SLC26A9: variants seen among roughly 807,000 people sequenced by gnomAD.
SLC26A9 encodes the protein solute carrier family 26 member 9.
SLC26A9 carries 46 observed loss-of-function variants against 87.1 expected under a neutral mutation model. The ratio of observed to expected loss-of-function variants is 0.53; its 90% CI spans 0.42 to 0.67. The LOEUF (loss-of-function observed/expected upper bound fraction) is 0.67. Ranked by LOEUF, SLC26A9 falls within the 30% of genes least tolerant of loss-of-function variation. The probability of loss-of-function intolerance (pLI) is 0.00; values close to 1 mark genes in which losing one functional copy is unlikely to be tolerated. For synonymous variants in SLC26A9, 437 were observed against 409.1 expected (o/e 1.07, Z -0.82); for missense variants, 927 against 1,018.3 (o/e 0.91, Z 1.22).
intron 2 of SLC26A9, 178 bp downstream of exon 2, chr1:205,935,518 C>T: frequency 2.1e-6 from 2 of 941,768 alleles, no homozygotes; most frequent in Non-Finnish European, 3.1e-6. Context: ...CCCATCCTCC[C>T]TGGGGGTCTC....
intron 17 of SLC26A9, 21 bp from the exon 18 acceptor site, chr1:205,920,251 G>C (rs780849728): frequency 6.2e-7 from 1 of 1,613,852 alleles, no homozygotes; most frequent in Non-Finnish European, 8.5e-7. Context: ...TGTTGGGGTA[G>C]GGAGGCAAAA....
intron 12 of SLC26A9, among the ~76,000 whole-genome samples, chr1:205,926,231 C>T (rs1659061660): frequency 6.6e-6 from 1 of 152,068 alleles, no homozygotes; most frequent in Non-Finnish European, 1.5e-5. Flanking sequence ...CTTGTATTAC[C>T]TTGCTTCTTC....
In SLC26A9 at chr1:205,915,381, G is replaced by A. The variant is rs149042595; in HGVS notation, c.2352C>T (p.His784=). ...LEQEMFGSMF[H]AETLTAL is the part of the protein sequence containing the mutation. ...CTCACAGGGCGGTCAGGGTCTCTGC[G>A]TGAAACATGCTCCCGAACATCTCCT... is the stretch of plus-strand genomic sequence containing the variant. The change falls in exon 21 of 21, where the codon CAC becomes CAT. Residue 784 remains histidine, a synonymous_variant. Coordinates refer to ENST00000367135, the MANE Select transcript of SLC26A9 (RefSeq NM_052934.4). 4.7e-5 allele frequency: 76 copies of A among 1,614,128 alleles called. No homozygotes were observed. The African/African-American group carries it at 5.2e-4, about 11-fold the overall frequency.
chr1:205,934,955 T>C lies in SLC26A9; in HGVS notation c.125+741A>G, dbSNP rs150319522. 8.3e-4 allele frequency among the ~76,000 whole-genome samples: 126 copies of C among 152,296 alleles called. No homozygotes were observed. The East Asian group carries it at 0.016, about 19-fold the overall frequency. On this transcript the variant is annotated intron_variant, in intron 2 of 20. Transcript: ENST00000367135. ...CCATTGCCAGTGACCTCAATCCAGG[T>C]AACTGAATCAGCCGTTTCCCCAAGG...
intron 1 of SLC26A9, among the ~76,000 whole-genome samples, chr1:205,943,097 C>T (rs1321825850): frequency 6.6e-6 from 1 of 152,188 alleles, no homozygotes; most frequent in African/African-American, 2.4e-5. Context: ...CGGGGTCTGG[C>T]GACCACCACA....
Position 205,920,363 on chromosome 1 carries a change from C to A in SLC26A9, c.2056-133G>T, listed in dbSNP as rs74146718. 9.4e-6 allele frequency: 9 copies of A among 953,734 alleles called. No homozygotes were observed. The African/African-American group carries it at 1.5e-4, about 16-fold the overall frequency. The allele number at this position is 953,734 out of a possible 1,614,324, so 59.1% of individuals were successfully genotyped here. A position where few individuals can be genotyped will look rare whatever the true frequency, so the allele number is the denominator to read the frequency against. ...ACCCTGAGAGCCCAGCAGCCAAAGACAAAAATAGCAGCAAAGCACACCACT... is the reference window on the plus strand; with the variant it reads ...ACCCTGAGAGCCCAGCAGCCAAAGAAAAAAATAGCAGCAAAGCACACCACT... On this transcript the variant is annotated intron_variant, in intron 17 of 20. Transcript: ENST00000367135.
chr1:205,943,063 G>A (rs574438122), intron 1 of SLC26A9, among the ~76,000 whole-genome samples: 3 of 152,156 alleles, frequency 2.0e-5, no homozygotes, highest in African/African-American at 4.8e-5. Context: ...CCTTTCCCTC[G>A]GAGGCCTTTG....
chr1:205,937,714 C>T (rs531315144), intron 1 of SLC26A9, among the ~76,000 whole-genome samples: 1 of 152,128 alleles, frequency 6.6e-6, no homozygotes, highest in Non-Finnish European at 1.5e-5. Flanking sequence ...TCTCACTCTT[C>T]CTCTCCACCT....
intron 1 of SLC26A9, among the ~76,000 whole-genome samples, chr1:205,940,470 C>G (rs963709187): frequency 6.6e-6 from 1 of 152,140 alleles, no homozygotes; most frequent in Admixed American, 6.5e-5. Context: ...CTGAAAGGCT[C>G]GGAACGGCAC....
chr1:205,930,122 C>G, intron 5 of SLC26A9, 66 bp from the exon 6 acceptor site: 1 of 1,506,914 alleles, frequency 6.6e-7, no homozygotes. Context: ...CAACGACCCG[C>G]CCCACACACA....
In SLC26A9 at chr1:205,938,981, T is replaced by G. The variant is rs868303620; in HGVS notation, c.-18-3143A>C. ...AGATGGAGCACCAGATACTAGGGAG[T>G]CCCCTCTGACACAGGCTAACAGAGG... On this transcript the variant is annotated intron_variant, in intron 1 of 20. Coordinates refer to ENST00000367135, the MANE Select transcript of SLC26A9 (RefSeq NM_052934.4). Among the ~76,000 whole-genome samples, 4 of 151,932 alleles carry G rather than the reference T, an allele frequency of 2.6e-5. No homozygotes were observed. The South Asian group carries it at 8.4e-4, about 32-fold the overall frequency.
At chr1:205,928,138 G>A (rs1263181135) in intron 8 of SLC26A9, 89 bp from the exon 9 acceptor site, 2 of 1,476,954 alleles carry the variant, frequency 1.4e-6, no homozygotes, top group Admixed American at 2.0e-5. Flanking sequence ...GACCAGCCAG[G>A]CCCCCATGGT....
chr1:205,940,447 C>T, intron 1 of SLC26A9, among the ~76,000 whole-genome samples: 1 of 152,094 alleles, frequency 6.6e-6, no homozygotes, highest in East Asian at 1.9e-4. Flanking sequence ...GAGACAGTGC[C>T]CGAGTGGATG....
At chr1:205,919,189 A>G (rs1658719737) in intron 18 of SLC26A9, among the ~76,000 whole-genome samples, 1 of 152,200 alleles carries the variant, frequency 6.6e-6, no homozygotes, top group Admixed American at 6.5e-5. Flanking sequence ...TGAAGTTTCA[A>G]CCCAGAGCAG....
chr1:205,937,253 G>A (rs1180398619), intron 1 of SLC26A9, among the ~76,000 whole-genome samples: 1 of 152,146 alleles, frequency 6.6e-6, no homozygotes, highest in African/African-American at 2.4e-5. Flanking sequence ...CAGCAGAAGC[G>A]AAGGTGGGAG....
intron 8 of SLC26A9, chr1:205,928,342 C>A (rs566359022): frequency 1.7e-5 from 8 of 457,768 alleles, no homozygotes; most frequent in Non-Finnish European, 2.8e-5. Flanking sequence ...TGTATGCTCA[C>A]GAGTCCACAG....
rs375116397 is a variant in SLC26A9 at position 205,921,758 on chromosome 1, G to A, written c.1863C>T (p.Ser621=). The change falls in exon 17 of 21, where the codon AGC becomes AGT. Residue 621 remains serine, a synonymous_variant. Transcript: ENST00000367135. ...NNNQTPANGT[S]VSYITFSPDS... ...CAGGGCTGAAGGTGATATAGGACAC[G>A]CTGGTGCCGTTAGCCGGGGTCTGGT... 22 of 1,598,616 alleles carry A rather than the reference G, an allele frequency of 1.4e-5. No homozygotes were observed. The South Asian group carries it at 1.5e-4, about 11-fold the overall frequency.
At chr1:205,928,733 T>C in intron 8 of SLC26A9, 94 bp downstream of exon 8, 1 of 1,225,318 alleles carries the variant, frequency 8.2e-7, no homozygotes. Flanking sequence ...TCGACTGCAC[T>C]TTCATAGAGT....
intron 8 of SLC26A9, 54 bp downstream of exon 8, chr1:205,928,773 C>A: frequency 6.4e-7 from 1 of 1,564,210 alleles, no homozygotes; most frequent in Non-Finnish European, 8.8e-7. Flanking sequence ...GAGCTCAGGC[C>A]TTAGTGGGGC....
Sources: allele counts gnomAD v4.1 joint callset (sites outside exome capture counted in the v4.1 genomes callset), GRCh38; gene constraint gnomAD v4.1.1; transcripts MANE v1.5; gene names NCBI Gene and HGNC (gene_info 2026-07-23, HGNC 2026-07-21).